The following SDK1 variants were observed in gnomAD, a reference collection of about 807,000 sequenced individuals.
SDK1 encodes protein sidekick-1.
SDK1 carries 157 observed loss-of-function variants against 245.5 expected under a neutral mutation model. The observed-to-expected ratio is 0.64, with a 90% CI of 0.56 to 0.73. The LOEUF is 0.73. SDK1 is among the 30% of genes least tolerant of loss of function. The probability of loss-of-function intolerance (pLI) is 0.00; values close to 1 mark genes in which losing one functional copy is unlikely to be tolerated. For synonymous variants in SDK1, 1,647 were observed against 1,278.5 expected (o/e 1.29, Z -6.15); for missense variants, 3,583 against 3,002.3 (o/e 1.19, Z -4.52).
chr7:3,921,982 G>A (rs1219777728), intron 5 of SDK1, among the ~76,000 whole-genome samples: 1 of 151,988 alleles, frequency 6.6e-6, no homozygotes, highest in Non-Finnish European at 1.5e-5. Context: ...AAGTAAATAA[G>A]CAATGAAGCT....
intron 1 of SDK1, among the ~76,000 whole-genome samples, chr7:3,518,262 T>G (rs1403161): frequency 0.26 from 39,411 of 151,914 alleles, 5,309 homozygotes; most frequent in East Asian, 0.33. Flanking sequence ...GAGCCTTTTC[T>G]CTTCAGGACA....
intron 1 of SDK1, among the ~76,000 whole-genome samples, chr7:3,316,726 A>G (rs527585181): frequency 9.9e-5 from 15 of 152,230 alleles, no homozygotes; most frequent in African/African-American, 3.4e-4. Flanking sequence ...ATGGAGCTCT[A>G]CAAATCACTG....
chr7:4,195,810 C>T (rs986197995), intron 35 of SDK1, among the ~76,000 whole-genome samples: 2 of 152,200 alleles, frequency 1.3e-5, no homozygotes, highest in Middle Eastern at 3.4e-3. Flanking sequence ...ATGAAGCCGT[C>T]GCTGCTCCTC....
At chr7:4,171,176 G>T (rs535503001) in intron 32 of SDK1, among the ~76,000 whole-genome samples, 1 of 152,316 alleles carries the variant, frequency 6.6e-6, no homozygotes, top group East Asian at 1.9e-4. Flanking sequence ...GGTGTGGACG[G>T]ATGGGGTGGC....
intron 4 of SDK1, among the ~76,000 whole-genome samples, chr7:3,672,228 C>A (rs1017532198): frequency 8.6e-5 from 13 of 151,972 alleles, no homozygotes; most frequent in African/African-American, 3.1e-4. Flanking sequence ...AGAATGAAAA[C>A]ATCCTCAGAG....
At chr7:4,172,848 G>A (rs1484350488) in intron 32 of SDK1, among the ~76,000 whole-genome samples, 1 of 152,132 alleles carries the variant, frequency 6.6e-6, no homozygotes, top group Non-Finnish European at 1.5e-5. Flanking sequence ...TGTGTGTCCT[G>A]TGTCCAAACT....
intron 4 of SDK1, among the ~76,000 whole-genome samples, chr7:3,818,456 A>G (rs565681163): frequency 6.6e-6 from 1 of 152,242 alleles, no homozygotes; most frequent in Non-Finnish European, 1.5e-5. Context: ...GGTAGAATCA[A>G]AAGGAAATGG....
chr7:3,443,031 C>G (rs1016745860), intron 1 of SDK1, among the ~76,000 whole-genome samples: 6 of 150,892 alleles, frequency 4.0e-5, no homozygotes, highest in African/African-American at 1.2e-4. Context: ...AATACCCTAT[C>G]CATATCCAGC....
At chr7:4,054,001 C>G (rs1006784558) in intron 19 of SDK1, among the ~76,000 whole-genome samples, 3 of 151,806 alleles carry the variant, frequency 2.0e-5, no homozygotes, top group Admixed American at 6.6e-5. Context: ...TGCAGTGGTG[C>G]AATCTTGGCT....
intron 2 of SDK1, among the ~76,000 whole-genome samples, chr7:3,622,328 A>T (rs1056164620): frequency 8.5e-5 from 13 of 152,076 alleles, no homozygotes; most frequent in African/African-American, 3.1e-4. Context: ...TAAAAATACA[A>T]AAATTAGCCA....
intron 1 of SDK1, among the ~76,000 whole-genome samples, chr7:3,548,057 T>C (rs1779286182): frequency 2.6e-5 from 4 of 152,240 alleles, no homozygotes; most frequent in Admixed American, 2.6e-4. Context: ...TCCCCAGTTT[T>C]TGAAAAATTG....
intron 8 of SDK1, among the ~76,000 whole-genome samples, chr7:3,960,622 G>C (rs368808260): frequency 6.6e-6 from 1 of 152,194 alleles, no homozygotes; most frequent in Non-Finnish European, 1.5e-5. Flanking sequence ...CACTGCTCCT[G>C]GCCCGGGACT....
chr7:3,565,842 A>G (rs1203735181), intron 1 of SDK1, among the ~76,000 whole-genome samples: 1 of 152,232 alleles, frequency 6.6e-6, no homozygotes, highest in African/African-American at 2.4e-5. Flanking sequence ...ATTCAGTACA[A>G]ATGCAATTTT....
At chr7:4,251,424 C>T (rs1195850555) in intron 44 of SDK1, among the ~76,000 whole-genome samples, 3 of 152,224 alleles carry the variant, frequency 2.0e-5, no homozygotes, top group African/African-American at 7.2e-5. Flanking sequence ...ACAGAACACA[C>T]TTAGTCCTCC....
intron 1 of SDK1, among the ~76,000 whole-genome samples, chr7:3,417,113 G>T (rs1378540479): frequency 6.6e-6 from 1 of 152,170 alleles, no homozygotes; most frequent in Non-Finnish European, 1.5e-5. Context: ...GGTGGAGGTT[G>T]CAGGGAGCCG....
Position 3,661,130 on chromosome 7 carries a change from G to A in SDK1, c.713+19025G>A, listed in dbSNP as rs144984691. On this transcript the variant is annotated intron_variant, in intron 4 of 44. Transcript: ENST00000404826. ...CAGTGATCTAGATAACCATTTACCT[G>A]AGCTTTGTTGAGTTCAGTATTCTAG... Among the ~76,000 whole-genome samples the A allele has an allele frequency of 2.1e-3, 313 of 152,294 alleles. 1 individual carries two copies. The highest frequency in any genetic ancestry group is 7.3e-3 in the African/African-American group (304 of 41,560).
intron 13 of SDK1, among the ~76,000 whole-genome samples, chr7:3,986,893 C>T (rs910005412): frequency 1.3e-5 from 2 of 152,198 alleles, no homozygotes; most frequent in South Asian, 2.1e-4. Flanking sequence ...TATGTGTAAA[C>T]GTCTGCGTCC....
chr7:3,876,571 GCATTGAGAACTCATAA>G (rs1225780422), intron 5 of SDK1, among the ~76,000 whole-genome samples: 1 of 152,110 alleles, frequency 6.6e-6, no homozygotes, highest in African/African-American at 2.4e-5. Context: ...GTAAAAACAG[GCATTGAGAACTCATAA>G]CATCTTAAGA....
chr7:3,508,528 A>G (rs113026560), intron 1 of SDK1, among the ~76,000 whole-genome samples: 59 of 152,016 alleles, frequency 3.9e-4, no homozygotes, highest in South Asian at 1.2e-3. Context: ...GGGTTTTACC[A>G]TGTTGGCCAG....
Sources: allele counts gnomAD v4.1 joint callset (sites outside exome capture counted in the v4.1 genomes callset), GRCh38; gene constraint gnomAD v4.1.1; transcripts MANE v1.5; gene names NCBI Gene and HGNC (gene_info 2026-07-23, HGNC 2026-07-21).